The following CNN2 variants were observed in gnomAD, a reference collection of about 807,000 sequenced individuals.
The protein encoded by CNN2 is calponin 2.
A neutral mutation model predicts 31.0 loss-of-function variants in CNN2; 21 were observed. The observed-to-expected ratio is 0.68, with a 90% confidence interval of 0.48 to 0.98. CNN2 has a LOEUF of 0.98. Ranked by LOEUF, CNN2 falls within the 50% of genes least tolerant of loss-of-function variation. The pLI is 0.00. For synonymous variants in CNN2, 165 were observed against 179.6 expected, an observed-to-expected ratio of 0.92 and a Z score of 0.65; for missense variants, 399 against 427.3, an observed-to-expected ratio of 0.93 and a Z score of 0.58.
chr19:1,026,958 T>TCC (rs143841422), intron 1 of CNN2: 1,693 of 443,686 alleles, frequency 3.8e-3, no homozygotes, highest in East Asian at 6.7e-3. Context: ...AGTGACCCAT[T>TCC]CCCCCCCCCA....
At chr19:1,035,536 A>G (rs2039567431) in intron 4 of CNN2, among the ~76,000 whole-genome samples, 1 of 152,112 alleles carries the variant, frequency 6.6e-6, no homozygotes, top group Admixed American at 6.5e-5. Context: ...AAGGTGAGAG[A>G]GAGGAAGCGA....
At chr19:1,031,296 G>GCC in intron 2 of CNN2, 104 bp downstream of exon 2, 2 of 832,014 alleles carry the variant, frequency 2.4e-6, no homozygotes, top group Non-Finnish European at 3.1e-6. Context: ...GCATGGCCTG[G>GCC]CTCATGCCTG....
At chr19:1,030,862 C>G (rs1177021135) in intron 1 of CNN2, 1 of 525,936 alleles carries the variant, frequency 1.9e-6, no homozygotes, top group Non-Finnish European at 3.4e-6. Flanking sequence ...GCTTGGAGGG[C>G]GGTTTATCTG....
rs771274718 is a variant in CNN2 at position 1,031,121 on chromosome 19, C to G, written c.114C>G (p.Ile38Met). The change falls in exon 2 of 7, where the codon ATC (isoleucine) becomes ATG (methionine). Residue 38 changes from isoleucine (I) to methionine (M), a missense_variant. By Grantham distance (10) the Ile-to-Met change is conservative. Coordinates refer to ENST00000263097, the MANE Select transcript of CNN2 (RefSeq NM_004368.4). ...PQKEAELRTW[I>M]EGLTGLSIGP... The stretch of plus-strand genomic sequence containing the variant: ...AGGAGGCAGAGCTCCGCACCTGGAT[C>G]GAGGGACTCACCGGCCTCTCCATCG... The G allele has an allele frequency of 6.8e-6, 11 of 1,613,158 alleles. No homozygotes were observed. Among genetic ancestry groups the G allele is most frequent in the East Asian group, 6.7e-5 (3 of 44,880 alleles).
chr19:1,035,624 G>A (rs1268422982), intron 4 of CNN2, among the ~76,000 whole-genome samples: 4 of 152,170 alleles, frequency 2.6e-5, no homozygotes, highest in African/African-American at 4.8e-5. Flanking sequence ...GGCACGCTGG[G>A]ATGAAGCAGC....
chr19:1,028,632 G>C (rs1280787991), intron 1 of CNN2, among the ~76,000 whole-genome samples: 1 of 152,190 alleles, frequency 6.6e-6, no homozygotes, highest in East Asian at 1.9e-4. Flanking sequence ...TTTAGCCGGG[G>C]AGGCAGCGCG....
chr19:1,036,383 G>C, intron 5 of CNN2, 33 bp from the exon 6 acceptor site: 1 of 1,606,524 alleles, frequency 6.2e-7, no homozygotes, highest in Non-Finnish European at 8.5e-7. Context: ...CTTGTTGGGT[G>C]CAGTCTGACC....
intron 1 of CNN2, among the ~76,000 whole-genome samples, chr19:1,027,736 C>A (rs149909932): frequency 1.5e-3 from 228 of 152,206 alleles, no homozygotes; most frequent in African/African-American, 5.2e-3. Context: ...CCGCCCACCC[C>A]CTCCCCCGAC....
At position 1,037,929 on chromosome 19, in the gene CNN2, G is replaced by A. The variant is rs528824723; in HGVS notation, c.*29G>A. 20 of 1,517,700 alleles carry A rather than the reference G, an allele frequency of 1.3e-5. No homozygotes were observed. In the Admixed American group the frequency reaches 1.6e-4, roughly 12 times the overall value. 94.0% of individuals were successfully genotyped at this position (1,517,700 alleles called of 1,614,324 possible). ...TCCCAGCACGCTCTCTCCCCACATC[G>A]TCTGCCCATCTGGGTTTTTGGGTTT... On this transcript the variant is annotated 3_prime_UTR_variant, in exon 7 of 7. Coordinates refer to ENST00000263097, the MANE Select transcript of CNN2 (RefSeq NM_004368.4).
chr19:1,036,126 C>G lies in CNN2; in HGVS notation c.391-4C>G, dbSNP rs1202569081. 1 of 1,594,754 alleles carries G rather than the reference C, an allele frequency of 6.3e-7. No homozygotes were observed. The highest frequency in any genetic ancestry group is 8.5e-7 in the Non-Finnish European group (1 of 1,169,976). On this transcript the variant is annotated splice_region_variant and splice_polypyrimidine_tract_variant and intron_variant, in intron 4 of 6. Transcript: ENST00000263097. ...GGTACTCCCGGCCCCTTTCCCTCAC[C>G]CAGGCCAAGACTAAGGGGCTGCAGA... is the stretch of plus-strand genomic sequence containing the variant.
At chr19:1,026,962 C>T (rs959732430) in intron 1 of CNN2, 37 of 493,714 alleles carry the variant, frequency 7.5e-5, no homozygotes, top group African/African-American at 6.6e-4. Flanking sequence ...ACCCATTCCC[C>T]CCCCCAACAT....
At chr19:1,035,403 G>A (rs2039565023) in intron 4 of CNN2, among the ~76,000 whole-genome samples, 1 of 152,098 alleles carries the variant, frequency 6.6e-6, no homozygotes, top group Non-Finnish European at 1.5e-5. Flanking sequence ...TGCCCCCTGT[G>A]GCTCCCAGTA....
chr19:1,032,589 A>G lies in CNN2; in HGVS notation c.283A>G (p.Met95Val), dbSNP rs148722786. 3.1e-6 allele frequency: 5 copies of G among 1,613,122 alleles called. No individual in the cohort carries two copies. The Admixed American group carries it at 5.0e-5, about 16-fold the overall frequency. ...LENLSNFIKA[M>V]VSYGMNPVDL... Reference sequence around the variant, plus strand: ...AAACCTGTCCAACTTCATCAAGGCCATGGTCAGCTACGGCATGAACCCTGT... The same window carrying G: ...AAACCTGTCCAACTTCATCAAGGCCGTGGTCAGCTACGGCATGAACCCTGT... Residue 95 changes from methionine (M) to valine (V), a missense_variant, in exon 4 of 7, where the codon ATG (methionine) becomes GTG (valine). Physicochemically the swap from Met to Val is conservative, Grantham distance 21 (BLOSUM62 1). Transcript: ENST00000263097.
intron 6 of CNN2, 133 bp from the exon 7 acceptor site, chr19:1,037,492 G>C (rs2039609163): frequency 6.2e-6 from 7 of 1,128,402 alleles, no homozygotes; most frequent in Non-Finnish European, 9.0e-6. Context: ...GGCTGGACTG[G>C]AACTCCTGAC....
rs577466656 is a variant in CNN2, at chr19:1,034,234, G to C, written c.390+1538G>C. 4.9e-3 allele frequency among the ~76,000 whole-genome samples: 47 copies of C among 9,616 alleles called. 5 individuals carry two copies. The African/African-American group carries it at 0.059, about 12-fold the overall frequency. 6.3% of individuals were successfully genotyped at this position (9,616 alleles called of 152,430 possible). On this transcript the variant is annotated intron_variant, in intron 4 of 6. Transcript: ENST00000263097. ...TGGGACACGGTGTCTGGTGTAGACG[G>C]TAAGCGTGGGTGGGACACGGTGTCT...
chr19:1,037,917 T>G lies in CNN2; in HGVS notation c.*17T>G. 1 of 1,534,414 alleles carries G rather than the reference T, an allele frequency of 6.5e-7. No homozygotes were observed. Among genetic ancestry groups the G allele is most frequent in the Non-Finnish European group, 8.8e-7 (1 of 1,141,814 alleles). ...GGCTACTGAGGCTCCCAGCACGCTC[T>G]CTCCCCACATCGTCTGCCCATCTGG... On this transcript the variant is annotated 3_prime_UTR_variant, in exon 7 of 7. Transcript: ENST00000263097.
intron 2 of CNN2, 140 bp from the exon 3 acceptor site, chr19:1,032,252 G>GA: frequency 1.5e-6 from 1 of 645,770 alleles, no homozygotes; most frequent in Non-Finnish European, 2.4e-6. Context: ...AAAAAAAAAA[G>GA]AGTGGAAACT....
intron 6 of CNN2, 172 bp from the exon 7 acceptor site, chr19:1,037,453 G>T: frequency 3.8e-6 from 3 of 780,686 alleles, no homozygotes; most frequent in Non-Finnish European, 6.3e-6. Context: ...TGTATTTTTG[G>T]GAGAGACAGG....
At position 1,032,697 on chromosome 19, in the gene CNN2, G is replaced by T. The variant is rs755993667; in HGVS notation, c.390+1G>T. 6.2e-7 allele frequency: 1 copy of T among 1,605,512 alleles called. No homozygotes were observed. The highest frequency in any genetic ancestry group is 1.7e-5 in the Admixed American group (1 of 59,432). On this transcript the variant is annotated splice_donor_variant, in intron 4 of 6. Transcript: ENST00000263097. LOFTEE classifies it high-confidence loss of function. ...GTCTCTTCTCGCCCTGGCGGGGAAGGTGAGGCCCAGAGAGGGGCAGCCACC... is the reference window on the plus strand; with the variant it reads ...GTCTCTTCTCGCCCTGGCGGGGAAGTTGAGGCCCAGAGAGGGGCAGCCACC...
Sources: gnomAD v4.1 joint callset for allele counts (sites outside exome capture counted in the v4.1 genomes callset) on GRCh38, gnomAD v4.1.1 for gene constraint, MANE v1.5 for transcripts, NCBI Gene and HGNC (gene_info 2026-07-23, HGNC 2026-07-21) for gene names.